Variants in HERC2 observed in about 807,000 individuals in gnomAD.
HERC2 encodes E3 ubiquitin-protein ligase HERC2.
In HERC2, 102 loss-of-function variants were observed where a neutral mutation model predicts 537.7. The ratio of observed to expected loss-of-function variants is 0.19; its 90% CI spans 0.16 to 0.22. The LOEUF (loss-of-function observed/expected upper bound fraction) is 0.22. HERC2 is among the 10% of genes least tolerant of loss of function. The pLI, the probability that HERC2 is intolerant of heterozygous loss-of-function variation, is 1.00. For missense variants in HERC2, 4,236 were observed against 6,198.2 expected (o/e 0.68, Z 10.63); for synonymous variants, 2,224 against 2,466.2 (o/e 0.90, Z 2.91).
At chr15:28,124,286 G>A in intron 84 of HERC2, 52 bp from the exon 85 acceptor site, 3 of 1,209,664 alleles carry the variant, frequency 2.5e-6, no homozygotes, top group Non-Finnish European at 3.4e-6. Flanking sequence ...GCACACGGGG[G>A]CCAGTGTGGC....
intron 2 of HERC2, among the ~76,000 whole-genome samples, chr15:28,309,642 C>A (rs1211675661): frequency 1.3e-5 from 2 of 151,978 alleles, no homozygotes; most frequent in African/African-American, 4.8e-5. Flanking sequence ...ACAATGGATT[C>A]AATTCTACCA....
At chr15:28,250,762 T>C (rs1009809436) in intron 20 of HERC2, among the ~76,000 whole-genome samples, 8 of 152,052 alleles carry the variant, frequency 5.3e-5, no homozygotes, top group African/African-American at 1.9e-4. Flanking sequence ...ACATCAAGAA[T>C]CCTTCACTCA....
chr15:28,180,173 A>G (rs1895691820), intron 57 of HERC2, among the ~76,000 whole-genome samples: 1 of 152,176 alleles, frequency 6.6e-6, no homozygotes, highest in Admixed American at 6.5e-5. Context: ...ATGTATTTTT[A>G]CCGTACCTTT....
intron 9 of HERC2, among the ~76,000 whole-genome samples, chr15:28,271,223 A>T (rs1377821562): frequency 6.6e-6 from 1 of 152,070 alleles, no homozygotes; most frequent in Non-Finnish European, 1.5e-5. Context: ...ACAGCATCTC[A>T]AGCTGGCCTT....
At position 28,272,224 on chromosome 15, in the gene HERC2, G is replaced by A. The variant is rs747344284; in HGVS notation, c.1074C>T (p.Gly358=). 6 of 1,597,064 alleles carry A rather than the reference G, an allele frequency of 3.8e-6. No homozygotes were observed. The highest frequency in any genetic ancestry group is 2.3e-5 in the South Asian group (2 of 87,782). Residue 358 remains glycine, a synonymous_variant, in exon 9 of 93, where the codon GGC becomes GGT. Coordinates refer to ENST00000261609, the MANE Select transcript of HERC2 (RefSeq NM_004667.6). ...CCATCATGACACTCACGTGCATGTC[G>A]CCCTCGGAGTGGGGTGCATCCTTCC... ...ICRKDAPHSE[G]DMHLLSGPLS... is the part of the protein sequence containing the mutation.
intron 56 of HERC2, 102 bp from the exon 57 acceptor site, chr15:28,182,614 T>C (rs1445362870): frequency 1.2e-5 from 11 of 885,660 alleles, no homozygotes; most frequent in Non-Finnish European, 1.9e-5. Flanking sequence ...CAAAGTTTTA[T>C]GGTTACTTTC....
intron 31 of HERC2, 127 bp downstream of exon 31, chr15:28,230,240 T>A (rs1390759412): frequency 1.1e-5 from 10 of 904,700 alleles, no homozygotes; most frequent in Non-Finnish European, 1.6e-5. Context: ...TCATGAAGCA[T>A]CACTGGGGCC....
At chr15:28,154,766 T>A (rs569085388) in intron 69 of HERC2, among the ~76,000 whole-genome samples, 78 of 152,308 alleles carry the variant, frequency 5.1e-4, no homozygotes, top group African/African-American at 1.9e-3. Context: ...TTATTTTATA[T>A]ATATATTTTT....
At chr15:28,220,728 G>A in intron 36 of HERC2, 84 bp from the exon 37 acceptor site, 1 of 1,132,446 alleles carries the variant, frequency 8.8e-7, no homozygotes, top group Non-Finnish European at 1.3e-6. Context: ...CCTCAGTTAG[G>A]AGGGTGCATG....
At chr15:28,311,807 G>C (rs562497845) in intron 2 of HERC2, among the ~76,000 whole-genome samples, 1 of 152,260 alleles carries the variant, frequency 6.6e-6, no homozygotes, top group Admixed American at 6.5e-5. Context: ...GACTGGCTGG[G>C]CTCCACACAT....
chr15:28,205,247 G>A (rs930476389), intron 45 of HERC2, among the ~76,000 whole-genome samples: 1 of 138,674 alleles, frequency 7.2e-6, no homozygotes. Flanking sequence ...ACTCTACACG[G>A]CCTTCCAGTT....
At chr15:28,180,601 G>C (rs1895732017) in intron 57 of HERC2, among the ~76,000 whole-genome samples, 1 of 152,120 alleles carries the variant, frequency 6.6e-6, no homozygotes, top group Non-Finnish European at 1.5e-5. Flanking sequence ...GGGACATGAG[G>C]GTTCATGAAG....
rs374990078 is a variant in HERC2, at chr15:28,263,216, C to T, written c.1871-47G>A. On this transcript the variant is annotated intron_variant, in intron 14 of 92. Transcript: ENST00000261609. ...AAATAACAACAACTCTGCATTTTAA[C>T]GAAAAATTTTAAATGACTGCAAATA... 106 of 1,577,596 alleles carry T rather than the reference C, an allele frequency of 6.7e-5. No individual in the cohort carries two copies. In the African/African-American group the frequency reaches 1.0e-3, roughly 15 times the overall value.
At chr15:28,298,006 TGTG>T (rs1373124558) in intron 3 of HERC2, among the ~76,000 whole-genome samples, 1 of 75,154 alleles carries the variant, frequency 1.3e-5, no homozygotes, top group Non-Finnish European at 2.2e-5. Flanking sequence ...TGTCAGTTAT[TGTG>T]TGTGTGTGTG....
chr15:28,310,657 A>G (rs1198106028), intron 2 of HERC2, among the ~76,000 whole-genome samples: 1 of 152,184 alleles, frequency 6.6e-6, no homozygotes, highest in Non-Finnish European at 1.5e-5. Context: ...AACAGCGGTC[A>G]GAACTCACAG....
At chr15:28,306,886 G>A (rs2076804065) in intron 2 of HERC2, among the ~76,000 whole-genome samples, 2 of 152,200 alleles carry the variant, frequency 1.3e-5, no homozygotes, top group South Asian at 4.1e-4. Context: ...CCAGGCTGGA[G>A]TGCAGTAACA....
intron 21 of HERC2, 30 bp downstream of exon 21, chr15:28,248,522 C>T: frequency 6.4e-7 from 1 of 1,571,646 alleles, no homozygotes; most frequent in Non-Finnish European, 8.7e-7. Flanking sequence ...CGATCACATA[C>T]AAGACACTTT....
intron 4 of HERC2, among the ~76,000 whole-genome samples, chr15:28,283,734 G>T (rs1284328064): frequency 1.3e-5 from 2 of 152,178 alleles, no homozygotes; most frequent in Non-Finnish European, 2.9e-5. Context: ...ATCAATGTAA[G>T]TAAATGAAAT....
chr15:28,210,420 G>A (rs1311777366), intron 44 of HERC2, among the ~76,000 whole-genome samples: 1 of 152,234 alleles, frequency 6.6e-6, no homozygotes, highest in Non-Finnish European at 1.5e-5. Flanking sequence ...ACAGGCATGA[G>A]CCATTGTGCC....
Sources: gnomAD v4.1 joint callset for allele counts (sites outside exome capture counted in the v4.1 genomes callset) on GRCh38, gnomAD v4.1.1 for gene constraint, MANE v1.5 for transcripts, NCBI Gene and HGNC (gene_info 2026-07-23, HGNC 2026-07-21) for gene names.